The following CA10 variants were observed in gnomAD, a reference collection of about 807,000 sequenced individuals.
CA10 encodes carbonic anhydrase 10 (inactive), also known as carbonic anhydrase-related protein 10.
Under a neutral mutation model 44.2 loss-of-function variants are expected in CA10, and 14 were observed. The ratio of observed to expected loss-of-function variants is 0.32; its 90% CI spans 0.21 to 0.50. CA10 has a LOEUF of 0.50. Among genes scored for constraint, CA10 ranks in the 20% least tolerant of loss-of-function variants. The pLI is 0.99. For synonymous variants in CA10, 159 were observed against 141.6 expected, an observed-to-expected ratio of 1.12 and a Z score of -0.87; for missense variants, 350 against 409.7, an observed-to-expected ratio of 0.85 and a Z score of 1.26.
intron 3 of CA10, among the ~76,000 whole-genome samples, chr17:51,836,334 A>C (rs1175107079): frequency 1.3e-5 from 2 of 152,186 alleles, no homozygotes; most frequent in African/African-American, 4.8e-5. Context: ...TCTTCCAAAG[A>C]CCCCATGAAT....
At chr17:51,795,893 T>C (rs1456560101) in intron 3 of CA10, among the ~76,000 whole-genome samples, 2 of 152,170 alleles carry the variant, frequency 1.3e-5, no homozygotes, top group East Asian at 1.9e-4. Flanking sequence ...TTTCCAAAAA[T>C]AGATTTTGTG....
At chr17:51,874,964 T>C (rs202003134) in intron 3 of CA10, among the ~76,000 whole-genome samples, 46 of 73,364 alleles carry the variant, frequency 6.3e-4, no homozygotes, top group East Asian at 1.8e-3. Context: ...TTTTTTCTTT[T>C]TTTTCTTTTC....
At chr17:52,131,930 T>C (rs1297489027) in intron 1 of CA10, among the ~76,000 whole-genome samples, 1 of 151,878 alleles carries the variant, frequency 6.6e-6, no homozygotes, top group East Asian at 1.9e-4. Context: ...AAACACTGCA[T>C]GTTCTCACTC....
At chr17:51,652,492 A>G (rs1201074939) in intron 5 of CA10, among the ~76,000 whole-genome samples, 1 of 152,176 alleles carries the variant, frequency 6.6e-6, no homozygotes, top group African/African-American at 2.4e-5. Context: ...TTAATGACAA[A>G]CCAGAGGAGG....
chr17:51,897,035 T>C (rs777551513), intron 3 of CA10, among the ~76,000 whole-genome samples: 14 of 152,106 alleles, frequency 9.2e-5, no homozygotes, highest in South Asian at 8.3e-4. Flanking sequence ...GTTTACTCTG[T>C]TGATAGTTTC....
At chr17:52,099,375 A>G (rs1265861131) in intron 1 of CA10, among the ~76,000 whole-genome samples, 2 of 152,188 alleles carry the variant, frequency 1.3e-5, no homozygotes, top group East Asian at 3.9e-4. Flanking sequence ...TCTAAGTGTG[A>G]TATGTAGCCT....
intron 2 of CA10, among the ~76,000 whole-genome samples, chr17:52,012,054 G>T (rs1174718876): frequency 6.6e-6 from 1 of 151,916 alleles, no homozygotes; most frequent in Non-Finnish European, 1.5e-5. Context: ...ACCCCAATAT[G>T]CCATGAACTG....
At chr17:51,643,129 G>T (rs1048478879) in intron 6 of CA10, among the ~76,000 whole-genome samples, 2 of 152,128 alleles carry the variant, frequency 1.3e-5, no homozygotes, top group African/African-American at 2.4e-5. Flanking sequence ...AAGCCTCTTT[G>T]CACTTCATTG....
At chr17:51,770,347 A>G (rs1453153871) in intron 3 of CA10, among the ~76,000 whole-genome samples, 1 of 151,848 alleles carries the variant, frequency 6.6e-6, no homozygotes, top group Non-Finnish European at 1.5e-5. Flanking sequence ...TTTTCTCCAT[A>G]TGCTATGGAG....
intron 1 of CA10, among the ~76,000 whole-genome samples, chr17:52,098,319 G>A (rs1451964769): frequency 2.0e-5 from 3 of 152,180 alleles, no homozygotes; most frequent in African/African-American, 4.8e-5. Context: ...TGAAAAAATT[G>A]TGGATATGAC....
chr17:51,879,776 T>C (rs1980279683), intron 3 of CA10, among the ~76,000 whole-genome samples: 2 of 152,174 alleles, frequency 1.3e-5, no homozygotes, highest in African/African-American at 4.8e-5. Context: ...AAGTCCCCTA[T>C]TAAATTCTTC....
At chr17:52,014,960 G>T (rs960138698) in intron 2 of CA10, among the ~76,000 whole-genome samples, 1 of 151,908 alleles carries the variant, frequency 6.6e-6, no homozygotes, top group Non-Finnish European at 1.5e-5. Context: ...TAATCCTTAA[G>T]ATCAAATAAA....
intron 3 of CA10, among the ~76,000 whole-genome samples, chr17:51,905,338 T>C (rs79175719): frequency 4.7e-4 from 72 of 152,176 alleles, no homozygotes; most frequent in African/African-American, 1.5e-3. Flanking sequence ...TAAAGATTAA[T>C]TGAGAAGTGA....
At chr17:51,866,297 C>T (rs1009514081) in intron 3 of CA10, among the ~76,000 whole-genome samples, 1 of 152,202 alleles carries the variant, frequency 6.6e-6, no homozygotes, top group Non-Finnish European at 1.5e-5. Context: ...TATATTGTCT[C>T]CATGCCTTGC....
At chr17:51,863,816 A>T (rs1251624124) in intron 3 of CA10, among the ~76,000 whole-genome samples, 1 of 152,212 alleles carries the variant, frequency 6.6e-6, no homozygotes, top group Admixed American at 6.5e-5. Flanking sequence ...CACCATCCTC[A>T]AGGATATCTT....
At chr17:51,767,782 A>G (rs1026627567) in intron 3 of CA10, among the ~76,000 whole-genome samples, 2 of 151,558 alleles carry the variant, frequency 1.3e-5, no homozygotes, top group African/African-American at 4.9e-5. Context: ...ACAGTGACAG[A>G]TCATCAGTCA....
intron 1 of CA10, among the ~76,000 whole-genome samples, chr17:52,142,614 A>G (rs1004852550): frequency 6.6e-6 from 1 of 151,886 alleles, no homozygotes; most frequent in African/African-American, 2.4e-5. Flanking sequence ...CAGCAGACAA[A>G]TGCATCTACA....
chr17:51,963,506 G>C (rs1035385585), intron 2 of CA10, among the ~76,000 whole-genome samples: 2 of 152,086 alleles, frequency 1.3e-5, no homozygotes, highest in East Asian at 3.9e-4. Context: ...AAATCTCAGA[G>C]GTAGCTAGAG....
At chr17:51,792,483 G>A (rs1243693095) in intron 3 of CA10, among the ~76,000 whole-genome samples, 1 of 152,164 alleles carries the variant, frequency 6.6e-6, no homozygotes, top group Non-Finnish European at 1.5e-5. Context: ...ATTATGAAAA[G>A]GCAATTCAGT....
Sources: gnomAD v4.1 joint callset for allele counts (sites outside exome capture counted in the v4.1 genomes callset) on GRCh38, gnomAD v4.1.1 for gene constraint, MANE v1.5 for transcripts, NCBI Gene and HGNC (gene_info 2026-07-23, HGNC 2026-07-21) for gene names.